Variants in WDR25 observed in about 807,000 individuals in gnomAD.
WDR25 encodes the protein WD repeat-containing protein 25.
A neutral mutation model predicts 47.7 loss-of-function variants in WDR25; 35 were observed. The observed-to-expected ratio is 0.73, with a 90% CI of 0.56 to 0.97. The LOEUF (loss-of-function observed/expected upper bound fraction) is 0.97, where lower values mean the gene tolerates loss of function less well. Among genes scored for constraint, WDR25 ranks in the 50% least tolerant of loss-of-function variants. WDR25 has a pLI of 0.00. For missense variants in WDR25, 634 were observed against 704.7 expected (o/e 0.90, Z 1.14); for synonymous variants, 248 against 278.9 (o/e 0.89, Z 1.10).
intron 2 of WDR25, among the ~76,000 whole-genome samples, chr14:100,437,782 C>T (rs924590900): frequency 2.6e-5 from 4 of 152,140 alleles, no homozygotes; most frequent in Admixed American, 1.3e-4. Context: ...TGGTGTTATA[C>T]GCCCCCTTAG....
chr14:100,448,353 C>T (rs943588157), intron 2 of WDR25, among the ~76,000 whole-genome samples: 3 of 152,180 alleles, frequency 2.0e-5, no homozygotes, highest in African/African-American at 7.2e-5. Context: ...CTTACCTGTG[C>T]TTGAGTGCAA....
Position 100,523,967 on chromosome 14 carries a change from G to A in WDR25, c.1102-1903G>A, listed in dbSNP as rs376699842. Among the ~76,000 whole-genome samples the A allele has an allele frequency of 3.9e-5, 6 of 152,126 alleles. No homozygotes were observed. The highest frequency in any genetic ancestry group is 9.7e-5 in the African/African-American group (4 of 41,426). On this transcript the variant is annotated intron_variant, in intron 4 of 6. Coordinates refer to ENST00000402312, the MANE Select transcript of WDR25 (RefSeq NM_001161476.3). The surrounding 1 kb of genome is among the most constrained non-coding windows in gnomAD (Gnocchi z 4.7). ...CTGGGGCATGAGCAGTTGTGAAGGCGAGTAAATCATGTTCGGTGGCGATCA... is the reference window on the plus strand; with the variant it reads ...CTGGGGCATGAGCAGTTGTGAAGGCAAGTAAATCATGTTCGGTGGCGATCA...
chr14:100,381,121 A>T lies in WDR25; in HGVS notation c.197A>T (p.Lys66Met). 1.2e-6 allele frequency: 2 copies of T among 1,614,188 alleles called. No homozygotes were observed. Among genetic ancestry groups the T allele is most frequent in the Non-Finnish European group, 1.7e-6 (2 of 1,180,028 alleles). The change falls in exon 2 of 7, where the codon AAG becomes ATG. Residue 66 changes from lysine to methionine, a missense_variant. Coordinates refer to ENST00000402312, the MANE Select transcript of WDR25 (RefSeq NM_001161476.3). The stretch of plus-strand genomic sequence containing the variant: ...CCCAAAGCAGGGGCACAGCCCACAA[A>T]GCATGGCTCCTGTGAAGACCCAGGG... ...DVPKAGAQPT[K>M]HGSCEDPGGY...
At chr14:100,466,620 C>A (rs1428376832) in intron 2 of WDR25, among the ~76,000 whole-genome samples, 7 of 152,224 alleles carry the variant, frequency 4.6e-5, no homozygotes, top group African/African-American at 1.4e-4. Context: ...ATTCCCACTT[C>A]AGGGAGGAGA....
intron 3 of WDR25, among the ~76,000 whole-genome samples, chr14:100,469,433 C>T (rs1198818866): frequency 6.6e-6 from 1 of 152,176 alleles, no homozygotes; most frequent in Non-Finnish European, 1.5e-5. Flanking sequence ...TGATTATTTC[C>T]ATTTTAAAGG....
intron 4 of WDR25, among the ~76,000 whole-genome samples, chr14:100,511,067 A>C (rs1326396810): frequency 1.3e-5 from 2 of 152,224 alleles, no homozygotes; most frequent in Non-Finnish European, 2.9e-5. Context: ...ATGCAAAAAA[A>C]AACTGGCTTG....
At chr14:100,438,454 T>C (rs1032302847) in intron 2 of WDR25, among the ~76,000 whole-genome samples, 1 of 152,246 alleles carries the variant, frequency 6.6e-6, no homozygotes, top group African/African-American at 2.4e-5. Context: ...CCCTCTGTGC[T>C]CCTGCCATTC....
intron 2 of WDR25, among the ~76,000 whole-genome samples, chr14:100,431,012 T>C (rs1031827226): frequency 6.6e-6 from 1 of 152,186 alleles, no homozygotes; most frequent in African/African-American, 2.4e-5. Flanking sequence ...AGTGAGTCGA[T>C]GGAAGGACAC....
chr14:100,481,249 A>G, intron 3 of WDR25: 2 of 595,164 alleles, frequency 3.4e-6, no homozygotes, highest in Non-Finnish European at 6.1e-6. Flanking sequence ...CTGATGAAGC[A>G]GGAGAGAAAG....
rs1377769830 is a variant in WDR25 at position 100,497,190 on chromosome 14, CCGTG to C, written c.1101+13068_1101+13071del. Among the ~76,000 whole-genome samples, 3 of 152,240 alleles carry C rather than the reference CCGTG, an allele frequency of 2.0e-5. No homozygotes were observed. In the East Asian group the frequency reaches 5.8e-4, roughly 29 times the overall value. On this transcript the variant is annotated intron_variant, in intron 4 of 6. Transcript: ENST00000402312. The stretch of plus-strand genomic sequence containing the variant: ...TGCAGTGTTGAATGTTCCATATGCT[CCGTG>C]CATTTTGCTGTTGTTGGGTGGAGTG...
At chr14:100,376,545 A>T in intron 1 of WDR25, 50 bp downstream of exon 1, 1 of 1,231,848 alleles carries the variant, frequency 8.1e-7, no homozygotes, top group East Asian at 3.2e-5. Context: ...GGGACTGGGC[A>T]GCGCCTAAAG....
intron 2 of WDR25, among the ~76,000 whole-genome samples, chr14:100,429,482 C>T (rs1898265167): frequency 6.6e-6 from 1 of 152,186 alleles, no homozygotes; most frequent in African/African-American, 2.4e-5. Flanking sequence ...GGCCTTTAAT[C>T]ACCAAGACCC....
chr14:100,491,400 C>T (rs375219296), intron 4 of WDR25, among the ~76,000 whole-genome samples: 2 of 152,182 alleles, frequency 1.3e-5, no homozygotes, highest in African/African-American at 2.4e-5. Context: ...CACATAATGA[C>T]GTTTCGGTCA....
intron 2 of WDR25, among the ~76,000 whole-genome samples, chr14:100,446,586 A>G (rs1898842321): frequency 6.6e-6 from 1 of 151,932 alleles, no homozygotes; most frequent in Non-Finnish European, 1.5e-5. Flanking sequence ...AAATGTATAA[A>G]TCACAACACA....
chr14:100,491,720 C>T (rs1362235663), intron 4 of WDR25, among the ~76,000 whole-genome samples: 2 of 152,228 alleles, frequency 1.3e-5, no homozygotes, highest in Non-Finnish European at 2.9e-5. Flanking sequence ...CTTGGAGAAG[C>T]CTGCATGGAC....
At chr14:100,453,157 G>A (rs1052171902) in intron 2 of WDR25, among the ~76,000 whole-genome samples, 1 of 152,338 alleles carries the variant, frequency 6.6e-6, no homozygotes, top group South Asian at 2.1e-4. Context: ...CAACCTAAAG[G>A]CTGGCAGTAG....
In WDR25 at chr14:100,502,565, C is replaced by T. The variant is rs1373416547; in HGVS notation, c.1101+18441C>T. On this transcript the variant is annotated intron_variant, in intron 4 of 6. Transcript: ENST00000402312. The surrounding 1 kb of genome is among the most constrained non-coding windows in gnomAD (Gnocchi z 4.5). ...CAGTTCCACCAGTGTCCTGGAGCTG[C>T]TCACTTTAGAGTTCTTCATTAGGGG... 1.3e-5 allele frequency among the ~76,000 whole-genome samples: 2 copies of T among 152,220 alleles called. No individual in the cohort carries two copies. The highest frequency in any genetic ancestry group is 4.8e-5 in the African/African-American group (2 of 41,470).
At chr14:100,527,715 C>T (rs1380221599) in intron 5 of WDR25, among the ~76,000 whole-genome samples, 2 of 152,234 alleles carry the variant, frequency 1.3e-5, no homozygotes, top group Non-Finnish European at 2.9e-5. Flanking sequence ...TTACACTCCA[C>T]ACTGTCTGTG....
At chr14:100,459,939 T>TATATATACAC (rs1491515673) in intron 2 of WDR25, among the ~76,000 whole-genome samples, 5 of 84,910 alleles carry the variant, frequency 5.9e-5, no homozygotes, top group Non-Finnish European at 1.2e-4. Flanking sequence ...TATATATATA[T>TATATATACAC]ACACATACAC....
Sources: allele counts gnomAD v4.1 joint callset (sites outside exome capture counted in the v4.1 genomes callset), GRCh38; gene constraint gnomAD v4.1.1; non-coding constraint Gnocchi (gnomAD v3.1); transcripts MANE v1.5; gene names NCBI Gene and HGNC (gene_info 2026-07-23, HGNC 2026-07-21).